The following CDYL2 variants were observed in gnomAD, a reference collection of about 807,000 sequenced individuals.
CDYL2 encodes the protein chromodomain Y like 2, also known as chromodomain Y-like protein 2.
A neutral mutation model predicts 49.4 loss-of-function variants in CDYL2; 23 were observed. The observed-to-expected ratio is 0.47, with a 90% CI of 0.34 to 0.66. CDYL2 has a LOEUF of 0.66. Ranked by LOEUF, CDYL2 falls within the 30% of genes least tolerant of loss-of-function variation. The probability of loss-of-function intolerance (pLI) is 0.01; values close to 1 mark genes in which losing one functional copy is unlikely to be tolerated. For missense variants in CDYL2, 678 were observed against 656.4 expected, an observed-to-expected ratio of 1.03 and a Z score of -0.36; for synonymous variants, 360 against 268.8, an observed-to-expected ratio of 1.34 and a Z score of -3.32.
chr16:80,621,551 T>A (rs1169210521), intron 3 of CDYL2, among the ~76,000 whole-genome samples: 1 of 152,190 alleles, frequency 6.6e-6, no homozygotes, highest in African/African-American at 2.4e-5. Context: ...ATCCTCAATG[T>A]CCCCATCTAT....
intron 2 of CDYL2, among the ~76,000 whole-genome samples, chr16:80,681,975 C>T (rs1023723093): frequency 6.6e-6 from 1 of 152,096 alleles, no homozygotes; most frequent in Non-Finnish European, 1.5e-5. Flanking sequence ...CTTCAAGGTC[C>T]CACCCCCCAC....
chr16:80,641,144 C>G (rs540034497), intron 2 of CDYL2, among the ~76,000 whole-genome samples: 4 of 152,204 alleles, frequency 2.6e-5, no homozygotes, highest in Admixed American at 1.3e-4. Context: ...ATAAGGCTAT[C>G]TGAAGGCATT....
intron 1 of CDYL2, among the ~76,000 whole-genome samples, chr16:80,724,386 A>G (rs77649901): frequency 0.023 from 3,481 of 152,126 alleles, 137 homozygotes; most frequent in African/African-American, 0.081. Context: ...CTGTCTTAGC[A>G]TTGCTATCAG....
In CDYL2 at chr16:80,632,931, A is replaced by G. The variant is rs1907632427; in HGVS notation, c.834+88T>C. ...GCTAGTTACCATCCTCAGCTCCCTGATGGAAGGAAGGAGAAAGCCAATATT... is the reference window on the plus strand; with the variant it reads ...GCTAGTTACCATCCTCAGCTCCCTGGTGGAAGGAAGGAGAAAGCCAATATT... On this transcript the variant is annotated intron_variant, in intron 3 of 6. Transcript: ENST00000570137. 5 of 1,335,142 alleles carry G rather than the reference A, an allele frequency of 3.7e-6. No homozygotes were observed. In the African/African-American group the frequency reaches 5.8e-5, roughly 15 times the overall value. The allele number at this position is 1,335,142 out of a possible 1,614,324, so 82.7% of individuals were successfully genotyped here.
rs563166773 is a variant in CDYL2 at position 80,792,628 on chromosome 16, T to C, written c.24+11522A>G. Among the ~76,000 whole-genome samples the C allele has an allele frequency of 2.4e-4, 36 of 152,058 alleles. 1 individual carries two copies. The South Asian group carries it at 7.1e-3, about 30-fold the overall frequency. On this transcript the variant is annotated intron_variant, in intron 1 of 6. Transcript: ENST00000570137. ...ACAGGTGTGTTCTGGGGATCCAGAG[T>C]ACAGAGACTCACCTACCAGTAAAGG...
intron 1 of CDYL2, among the ~76,000 whole-genome samples, chr16:80,737,020 G>C (rs193157331): frequency 6.3e-4 from 96 of 152,288 alleles, no homozygotes; most frequent in African/African-American, 2.1e-3. Context: ...TGTTACGTGG[G>C]AGAAGGGCTC....
chr16:80,696,759 G>A (rs570119849), intron 1 of CDYL2, among the ~76,000 whole-genome samples: 2 of 151,174 alleles, frequency 1.3e-5, no homozygotes. Flanking sequence ...GTCCAGAACA[G>A]GATGGCTTTA....
At chr16:80,688,564 G>A (rs1028954997) in intron 1 of CDYL2, among the ~76,000 whole-genome samples, 27 of 152,058 alleles carry the variant, frequency 1.8e-4, no homozygotes, top group Non-Finnish European at 5.9e-5. Context: ...ACAAACACAA[G>A]GTTTTTGCAG....
At chr16:80,773,119 G>A (rs904928043) in intron 1 of CDYL2, among the ~76,000 whole-genome samples, 1 of 152,054 alleles carries the variant, frequency 6.6e-6, no homozygotes, top group Non-Finnish European at 1.5e-5. Context: ...AAAAAGAAAT[G>A]CTCTGCAAAT....
intron 1 of CDYL2, among the ~76,000 whole-genome samples, chr16:80,691,042 AG>A: frequency 6.6e-6 from 1 of 152,140 alleles, no homozygotes; most frequent in African/African-American, 2.4e-5. Flanking sequence ...GGTCTCTGGG[AG>A]CAAAAAGCAA....
chr16:80,747,455 G>A (rs9932033), intron 1 of CDYL2, among the ~76,000 whole-genome samples: 4 of 152,050 alleles, frequency 2.6e-5, no homozygotes, highest in East Asian at 1.9e-4. Context: ...ACACAAGGCC[G>A]GGACCTATCA....
intron 2 of CDYL2, chr16:80,662,767 T>TA: frequency 2.2e-6 from 1 of 455,938 alleles, no homozygotes; most frequent in East Asian, 7.0e-5. Context: ...ATGGCTACCG[T>TA]ACTGGACAGT....
chr16:80,752,394 C>G (rs1372082678), intron 1 of CDYL2, among the ~76,000 whole-genome samples: 1 of 151,988 alleles, frequency 6.6e-6, no homozygotes, highest in Non-Finnish European at 1.5e-5. Context: ...CAAGAATTTC[C>G]TTAAAAGAAC....
chr16:80,803,775 A>G (rs926280260), intron 1 of CDYL2, among the ~76,000 whole-genome samples: 26 of 132,208 alleles, frequency 2.0e-4, no homozygotes, highest in Middle Eastern at 4.1e-3. Flanking sequence ...GCCGACTTTT[A>G]CCTGTACTTT....
chr16:80,660,305 T>G (rs1470494374), intron 2 of CDYL2, among the ~76,000 whole-genome samples: 3 of 152,032 alleles, frequency 2.0e-5, no homozygotes, highest in Non-Finnish European at 1.5e-5. Flanking sequence ...TTAATAATGT[T>G]GGGTGTATAA....
intron 1 of CDYL2, among the ~76,000 whole-genome samples, chr16:80,765,749 A>G (rs1045204653): frequency 1.3e-5 from 2 of 148,880 alleles, no homozygotes; most frequent in African/African-American, 5.0e-5. Context: ...AAAAAAAAAA[A>G]AAGGGAATGG....
intron 1 of CDYL2, among the ~76,000 whole-genome samples, chr16:80,788,448 C>G (rs928960393): frequency 2.0e-5 from 3 of 152,230 alleles, no homozygotes; most frequent in Non-Finnish European, 2.9e-5. Context: ...ACAACAGACA[C>G]CTGTTTTTGT....
intron 1 of CDYL2, among the ~76,000 whole-genome samples, chr16:80,695,403 A>G (rs1299555845): frequency 1.3e-5 from 2 of 152,280 alleles, no homozygotes; most frequent in East Asian, 1.9e-4. Flanking sequence ...TAACCTATCA[A>G]TAATAACATT....
intron 1 of CDYL2, among the ~76,000 whole-genome samples, chr16:80,692,079 C>T (rs937579964): frequency 6.6e-6 from 1 of 152,096 alleles, no homozygotes; most frequent in African/African-American, 2.4e-5. Context: ...TAGAGATCCA[C>T]CCAGTCTAAG....
Sources: gnomAD v4.1 joint callset for allele counts (sites outside exome capture counted in the v4.1 genomes callset) on GRCh38, gnomAD v4.1.1 for gene constraint, MANE v1.5 for transcripts, NCBI Gene and HGNC (gene_info 2026-07-23, HGNC 2026-07-21) for gene names.